The following CNTNAP2 variants were observed in gnomAD, a reference collection of about 807,000 sequenced individuals.
CNTNAP2 encodes the protein contactin-associated protein-like 2.
In CNTNAP2, 98 loss-of-function variants were observed where a neutral mutation model predicts 155.2. The observed-to-expected ratio is 0.63, with a 90% CI of 0.54 to 0.75. The LOEUF (loss-of-function observed/expected upper bound fraction) is 0.75. Among genes scored for constraint, CNTNAP2 ranks in the 30% least tolerant of loss-of-function variants. The pLI, the probability that CNTNAP2 is intolerant of heterozygous loss-of-function variation, is 0.00. For missense variants in CNTNAP2, 1,727 were observed against 1,688.1 expected, an observed-to-expected ratio of 1.02 and a Z score of -0.40; for synonymous variants, 651 against 631.2, an observed-to-expected ratio of 1.03 and a Z score of -0.47.
At chr7:147,744,164 G>A (rs1208159900) in intron 13 of CNTNAP2, among the ~76,000 whole-genome samples, 1 of 152,184 alleles carries the variant, frequency 6.6e-6, no homozygotes, top group African/African-American at 2.4e-5. Context: ...GCTAGGAGAT[G>A]CAGCAAGAAC....
intron 1 of CNTNAP2, among the ~76,000 whole-genome samples, chr7:146,701,535 G>A (rs1800877877): frequency 1.3e-5 from 2 of 152,108 alleles, no homozygotes; most frequent in South Asian, 2.1e-4. Flanking sequence ...ACTTTTTGAT[G>A]TAACTTATAG....
intron 1 of CNTNAP2, among the ~76,000 whole-genome samples, chr7:146,616,881 A>G (rs1304423039): frequency 1.3e-5 from 2 of 152,230 alleles, no homozygotes; most frequent in Non-Finnish European, 2.9e-5. Flanking sequence ...TGATGAGATT[A>G]GATACAGTTT....
intron 13 of CNTNAP2, among the ~76,000 whole-genome samples, chr7:147,869,257 C>A (rs1799287471): frequency 6.6e-6 from 1 of 152,204 alleles, no homozygotes; most frequent in African/African-American, 2.4e-5. Context: ...ATTGTTGCTG[C>A]ATCAGCATGT....
intron 1 of CNTNAP2, among the ~76,000 whole-genome samples, chr7:146,406,783 G>T (rs1001323085): frequency 1.3e-5 from 2 of 152,176 alleles, no homozygotes; most frequent in African/African-American, 4.8e-5. Context: ...CAGAGCAGCT[G>T]CTCTAATGGT....
At chr7:146,665,222 TA>T (rs1800169639) in intron 1 of CNTNAP2, among the ~76,000 whole-genome samples, 1 of 152,168 alleles carries the variant, frequency 6.6e-6, no homozygotes, top group African/African-American at 2.4e-5. Flanking sequence ...ATGTTGGGAT[TA>T]CAGGCGTGAG....
At chr7:148,006,867 T>C (rs1364133758) in intron 15 of CNTNAP2, among the ~76,000 whole-genome samples, 1 of 152,188 alleles carries the variant, frequency 6.6e-6, no homozygotes, top group Non-Finnish European at 1.5e-5. Context: ...TCACAGTAAT[T>C]TGTATCTTCA....
chr7:148,414,992 T>C (rs1383808552), intron 23 of CNTNAP2: 2 of 302,900 alleles, frequency 6.6e-6, no homozygotes, highest in Non-Finnish European at 1.3e-5. Context: ...GCCCACTCTA[T>C]CTCCCCTCTC....
At chr7:146,713,995 G>A (rs1801143417) in intron 1 of CNTNAP2, among the ~76,000 whole-genome samples, 1 of 152,092 alleles carries the variant, frequency 6.6e-6, no homozygotes, top group Non-Finnish European at 1.5e-5. Context: ...TATTTGTTAA[G>A]TGAATGGCAT....
At chr7:146,266,886 ATTT>A (rs58244472) in intron 1 of CNTNAP2, among the ~76,000 whole-genome samples, 7,616 of 140,870 alleles carry the variant, frequency 0.054, 677 homozygotes, top group African/African-American at 0.19. Context: ...ACATTGCTGA[ATTT>A]TTTTTTTTTT....
chr7:146,803,041 ATAAG>A (rs1051296993), intron 2 of CNTNAP2, among the ~76,000 whole-genome samples: 1 of 152,192 alleles, frequency 6.6e-6, no homozygotes, highest in Non-Finnish European at 1.5e-5. Flanking sequence ...AAATAAATAA[ATAAG>A]TCTTAGTGAA....
At chr7:147,306,453 G>A (rs1402858431) in intron 9 of CNTNAP2, among the ~76,000 whole-genome samples, 6 of 152,270 alleles carry the variant, frequency 3.9e-5, no homozygotes, top group South Asian at 4.1e-4. Context: ...GTAGGACCAC[G>A]TATAGAATTG....
chr7:148,203,945 A>G, intron 18 of CNTNAP2, among the ~76,000 whole-genome samples: 1 of 152,150 alleles, frequency 6.6e-6, no homozygotes, highest in East Asian at 1.9e-4. Context: ...AGCATTCAGT[A>G]AACATCTTTT....
intron 9 of CNTNAP2, 111 bp from the exon 10 acceptor site, chr7:147,395,498 A>G: frequency 3.8e-6 from 4 of 1,060,146 alleles, no homozygotes; most frequent in Non-Finnish European, 5.8e-6. Flanking sequence ...GCAAGGATTA[A>G]AGAAACAGTA....
intron 3 of CNTNAP2, among the ~76,000 whole-genome samples, chr7:146,848,439 C>T (rs1170476391): frequency 6.6e-6 from 1 of 152,176 alleles, no homozygotes; most frequent in Non-Finnish European, 1.5e-5. Context: ...AGCATAATTG[C>T]TGTCTTCTAG....
At chr7:147,639,557 T>C (rs2116924746) in intron 13 of CNTNAP2, among the ~76,000 whole-genome samples, 1 of 152,362 alleles carries the variant, frequency 6.6e-6, no homozygotes, top group East Asian at 1.9e-4. Flanking sequence ...TATATGTTTC[T>C]AGTGCTTAAC....
intron 12 of CNTNAP2, chr7:147,638,854 T>C (rs1465171043): frequency 3.3e-6 from 2 of 614,750 alleles, no homozygotes; most frequent in Non-Finnish European, 3.0e-6. Context: ...TTTTTTTTTT[T>C]CTTTTTTTGC....
chr7:146,170,050 T>C (rs1364683241), intron 1 of CNTNAP2, among the ~76,000 whole-genome samples: 2 of 147,662 alleles, frequency 1.4e-5, no homozygotes, highest in African/African-American at 2.5e-5. Flanking sequence ...TGGGGTGGTC[T>C]CACTCTGTTG....
chr7:147,927,048 T>G (rs1388447859), intron 14 of CNTNAP2, among the ~76,000 whole-genome samples: 1 of 152,210 alleles, frequency 6.6e-6, no homozygotes. Flanking sequence ...CACCACAAAT[T>G]TTTAATATTT....
At chr7:147,085,951 G>A (rs370598834) in intron 4 of CNTNAP2, 2 of 152,144 alleles carry the variant, frequency 1.3e-5, no homozygotes, top group Admixed American at 6.5e-5. Flanking sequence ...AAAGAGTAGC[G>A]TCGTGTTTTT....
Sources: gnomAD v4.1 joint callset for allele counts (sites outside exome capture counted in the v4.1 genomes callset) on GRCh38, gnomAD v4.1.1 for gene constraint, MANE v1.5 for transcripts, NCBI Gene and HGNC (gene_info 2026-07-23, HGNC 2026-07-21) for gene names.